The following AGBL1 variants were observed in gnomAD, a reference collection of about 807,000 sequenced individuals.
The protein encoded by AGBL1 is cytosolic carboxypeptidase 4.
In AGBL1, 130 loss-of-function variants were observed where a neutral mutation model predicts 118.9. That is an observed-to-expected ratio of 1.09 (90% CI 0.95 to 1.26). AGBL1 has a LOEUF of 1.26. Among genes scored for constraint, AGBL1 ranks in the 50% most tolerant of loss-of-function variants. The pLI is 0.00. For missense variants in AGBL1, 1,584 were observed against 1,298.1 expected (o/e 1.22, Z -3.38); for synonymous variants, 555 against 478.9 (o/e 1.16, Z -2.08).
In AGBL1 at chr15:86,915,772, G is replaced by A. The variant is rs1412359159; in HGVS notation, c.*8478G>A. Reference sequence around the variant, plus strand: ...GGACTTCCATAAATATGTGTTGAATGGTTGAGATCTTAATTTCTGTTAGAA... The same window carrying A: ...GGACTTCCATAAATATGTGTTGAATAGTTGAGATCTTAATTTCTGTTAGAA... On this transcript the variant is annotated 3_prime_UTR_variant, in exon 23 of 23. Coordinates refer to ENST00000614907, the MANE Select transcript of AGBL1 (RefSeq NM_001386094.1). 2 of 152,184 alleles carry A rather than the reference G, an allele frequency of 1.3e-5. No individual in the cohort carries two copies. Among genetic ancestry groups the A allele is most frequent in the Non-Finnish European group, 2.9e-5 (2 of 68,044 alleles). The allele number at this position is 152,184 out of a possible 1,614,324, so 9.4% of individuals were successfully genotyped here.
chr15:86,761,298 C>T (rs2078020695), intron 22 of AGBL1, among the ~76,000 whole-genome samples: 1 of 152,004 alleles, frequency 6.6e-6, no homozygotes, highest in Non-Finnish European at 1.5e-5. Context: ...CAAAAAATGG[C>T]TAATTTGCAC....
At chr15:86,474,150 G>A (rs1429873885) in intron 18 of AGBL1, among the ~76,000 whole-genome samples, 1 of 152,198 alleles carries the variant, frequency 6.6e-6, no homozygotes, top group African/African-American at 2.4e-5. Flanking sequence ...CAGTGTGAGT[G>A]ACGCAGAAGA....
intron 17 of AGBL1, among the ~76,000 whole-genome samples, chr15:86,308,309 T>G (rs566606307): frequency 6.6e-6 from 1 of 152,158 alleles, no homozygotes; most frequent in East Asian, 1.9e-4. Context: ...ATCATATGGG[T>G]GGGGCCCTGA....
intron 22 of AGBL1, among the ~76,000 whole-genome samples, chr15:86,751,859 C>A (rs536941592): frequency 5.9e-5 from 9 of 152,142 alleles, no homozygotes; most frequent in South Asian, 2.1e-4. Flanking sequence ...TTTGCACAGA[C>A]AATGGTAAAG....
intron 21 of AGBL1, among the ~76,000 whole-genome samples, chr15:86,636,151 C>A (rs773499549): frequency 3.9e-5 from 6 of 152,136 alleles, no homozygotes; most frequent in Non-Finnish European, 8.8e-5. Context: ...GGAAAAGTGG[C>A]AGTATCGGAG....
chr15:86,666,993 A>G (rs1441470832), intron 21 of AGBL1, among the ~76,000 whole-genome samples: 3 of 152,160 alleles, frequency 2.0e-5, no homozygotes, highest in Non-Finnish European at 4.4e-5. Flanking sequence ...GATGACTTGT[A>G]TCAGACATAG....
intron 18 of AGBL1, among the ~76,000 whole-genome samples, chr15:86,433,991 C>T (rs1415922182): frequency 6.6e-6 from 1 of 152,214 alleles, no homozygotes; most frequent in African/African-American, 2.4e-5. Context: ...AGTGGAGCAC[C>T]TGTAATTGAT....
chr15:86,290,028 C>T (rs1025483121), intron 16 of AGBL1, among the ~76,000 whole-genome samples: 3 of 152,166 alleles, frequency 2.0e-5, no homozygotes, highest in African/African-American at 7.2e-5. Flanking sequence ...TACTGCCTTT[C>T]AGTTTTCAAG....
intron 1 of AGBL1, among the ~76,000 whole-genome samples, chr15:86,128,591 A>G (rs1433733367): frequency 1.3e-5 from 2 of 152,228 alleles, no homozygotes; most frequent in East Asian, 1.9e-4. Flanking sequence ...TCGCATGGTG[A>G]CACCTCGTTC....
chr15:86,301,735 G>A (rs945427458), intron 17 of AGBL1, among the ~76,000 whole-genome samples: 1 of 149,018 alleles, frequency 6.7e-6, no homozygotes, highest in African/African-American at 2.5e-5. Flanking sequence ...TTTTAACAGG[G>A]GTGAAACTAA....
In AGBL1 at chr15:86,232,394, C is replaced by T. The variant is rs971292959; in HGVS notation, c.526+7443C>T. On this transcript the variant is annotated intron_variant, in intron 6 of 22. Transcript: ENST00000614907. ...GCCGCGCTAGTCCAATATTTATTTT[C>T]AGTGAGTAATTTGTTTATCAGGAGG... Among the ~76,000 whole-genome samples the T allele has an allele frequency of 7.2e-5, 11 of 152,252 alleles. 1 individual carries two copies. The highest frequency in any genetic ancestry group is 2.6e-4 in the African/African-American group (11 of 41,544).
At position 86,837,224 on chromosome 15, in the gene AGBL1, C is replaced by CAA. The variant is rs71230682; in HGVS notation, c.3159-69849_3159-69848dup. Among the ~76,000 whole-genome samples, 577 of 137,510 alleles carry CAA rather than the reference C, an allele frequency of 4.2e-3. 11 individuals are homozygous for CAA. Among genetic ancestry groups the CAA allele is most frequent in the East Asian group, 9.7e-3 (47 of 4,864 alleles). The allele number at this position is 137,510 out of a possible 152,430, so 90.2% of individuals were successfully genotyped here. A position where few individuals can be genotyped will look rare whatever the true frequency, so the allele number is the denominator to read the frequency against. On this transcript the variant is annotated intron_variant, in intron 22 of 22. Transcript: ENST00000614907. Reference sequence around the variant, plus strand: ...CTGTTCCAGAAGACTTCCTGACTATCAAAAAAAAAAAAAAATGCCATTTAG... The same window carrying CAA: ...CTGTTCCAGAAGACTTCCTGACTATCAAAAAAAAAAAAAAAAATGCCATTTAG...
intron 5 of AGBL1, among the ~76,000 whole-genome samples, chr15:86,187,841 C>T (rs972663357): frequency 2.0e-5 from 3 of 152,152 alleles, no homozygotes; most frequent in Admixed American, 6.6e-5. Flanking sequence ...AAGTCAACAT[C>T]TTCCCTAAGG....
At position 86,674,445 on chromosome 15, in the gene AGBL1, C is replaced by T. The variant is rs1379040030; in HGVS notation, c.3158+9C>T. The stretch of plus-strand genomic sequence containing the variant: ...GACCAGCACCTCCAACGGTAAGATG[C>T]TCCCAAGGGCTCAGAGAAATTTGGA... On this transcript the variant is annotated intron_variant, in intron 22 of 22. Coordinates refer to ENST00000614907, the MANE Select transcript of AGBL1 (RefSeq NM_001386094.1). 4 of 1,594,434 alleles carry T rather than the reference C, an allele frequency of 2.5e-6. No individual in the cohort carries two copies. The highest frequency in any genetic ancestry group is 3.4e-6 in the Non-Finnish European group (4 of 1,166,182).
intron 21 of AGBL1, among the ~76,000 whole-genome samples, chr15:86,673,864 A>G (rs936347378): frequency 6.6e-6 from 1 of 152,154 alleles, no homozygotes; most frequent in African/African-American, 2.4e-5. Context: ...ATAAATTCAG[A>G]GGAAGGAAAA....
chr15:86,888,062 G>T (rs142242003), intron 22 of AGBL1, among the ~76,000 whole-genome samples: 242 of 152,232 alleles, frequency 1.6e-3, no homozygotes, highest in African/African-American at 5.5e-3. Flanking sequence ...GAAAAAGGAG[G>T]TGCATCTTGC....
intron 21 of AGBL1, among the ~76,000 whole-genome samples, chr15:86,598,553 G>A (rs142470168): frequency 5.3e-5 from 8 of 152,202 alleles, no homozygotes; most frequent in Middle Eastern, 3.4e-3. Context: ...CACTATTCTT[G>A]TCAACAAGTG....
chr15:86,702,143 T>C (rs2086371216), intron 22 of AGBL1, among the ~76,000 whole-genome samples: 1 of 152,058 alleles, frequency 6.6e-6, no homozygotes, highest in Admixed American at 6.6e-5. Context: ...AATATCAGAG[T>C]ATTACAAAGA....
intron 19 of AGBL1, among the ~76,000 whole-genome samples, chr15:86,537,868 C>T (rs754758344): frequency 2.0e-5 from 3 of 151,994 alleles, no homozygotes; most frequent in Non-Finnish European, 2.9e-5. Flanking sequence ...GCATGGTGAC[C>T]GACACATATC....
Sources: gnomAD v4.1 joint callset for allele counts (sites outside exome capture counted in the v4.1 genomes callset) on GRCh38, gnomAD v4.1.1 for gene constraint, MANE v1.5 for transcripts, NCBI Gene and HGNC (gene_info 2026-07-23, HGNC 2026-07-21) for gene names.